Variants in PIEZO2 observed in about 807,000 individuals in gnomAD.
PIEZO2 encodes piezo type mechanosensitive ion channel component 2.
Under a neutral mutation model 337.3 loss-of-function variants are expected in PIEZO2, and 172 were observed. The ratio of observed to expected loss-of-function variants is 0.51; its 90% confidence interval spans 0.45 to 0.58. The LOEUF is 0.58. Ranked by LOEUF, PIEZO2 falls within the 20% of genes least tolerant of loss-of-function variation. PIEZO2 has a pLI of 0.00. For missense variants in PIEZO2, 3,028 were observed against 3,391.3 expected (o/e 0.89, Z 2.66); for synonymous variants, 1,251 against 1,228.5 (o/e 1.02, Z -0.38).
Position 10,862,299 on chromosome 18 carries a change from A to G in PIEZO2, c.493-5088T>C, listed in dbSNP as rs2041895334. ...ATTTCAACATTTGATAACATGTATT[A>G]GTGTAAGATCTCTCATTTCACATAA... is the stretch of plus-strand genomic sequence containing the variant. On this transcript the variant is annotated intron_variant, in intron 5 of 55. Coordinates refer to ENST00000674853, the MANE Select transcript of PIEZO2 (RefSeq NM_001378183.1). The surrounding 1 kb of genome is among the most constrained non-coding windows in gnomAD (Gnocchi z 4.4). Among the ~76,000 whole-genome samples, 1 of 152,200 alleles carries G rather than the reference A, an allele frequency of 6.6e-6. No homozygotes were observed. Among genetic ancestry groups the G allele is most frequent in the Non-Finnish European group, 1.5e-5 (1 of 68,036 alleles).
In PIEZO2 at chr18:10,830,046, T is replaced by C. The variant is rs191319129; in HGVS notation, c.918-22772A>G. 5.2e-3 allele frequency among the ~76,000 whole-genome samples: 785 copies of C among 152,118 alleles called. 12 individuals are homozygous for C. Among genetic ancestry groups the C allele is most frequent in the Admixed American group, 0.023 (346 of 15,276 alleles). ...AATCACATTACCTCACTTCGAATTA[T>C]ACTACAGAGCTCTAGTAACCAAAAC... On this transcript the variant is annotated intron_variant, in intron 7 of 55. Coordinates refer to ENST00000674853, the MANE Select transcript of PIEZO2 (RefSeq NM_001378183.1). This position sits in a 1 kb window ranked among gnomAD's most constrained non-coding sequence, Gnocchi z 4.7.
At chr18:10,694,870 A>T (rs1940945932) in intron 47 of PIEZO2, among the ~76,000 whole-genome samples, 1 of 152,108 alleles carries the variant, frequency 6.6e-6, no homozygotes, top group Non-Finnish European at 1.5e-5. Context: ...TTTTTTAAAA[A>T]ACTAGCATGT....
chr18:10,882,834 C>CTTTTTTTTTTTTT (rs745618117), intron 4 of PIEZO2, among the ~76,000 whole-genome samples: 1 of 109,982 alleles, frequency 9.1e-6, no homozygotes, highest in Admixed American at 1.2e-4. Context: ...ACCACATTTT[C>CTTTTTTTTTTTTT]TTTTTTTCTT....
chr18:11,004,419 T>G (rs1199938321), intron 2 of PIEZO2, among the ~76,000 whole-genome samples: 1 of 152,172 alleles, frequency 6.6e-6, no homozygotes, highest in Non-Finnish European at 1.5e-5. Context: ...TTCAAAGGAC[T>G]ACATATCAAC....
In PIEZO2 at chr18:11,087,339, G is replaced by C. The variant is rs76660006; in HGVS notation, c.65-21117C>G. Among the ~76,000 whole-genome samples the C allele has an allele frequency of 6.2e-3, 948 of 152,280 alleles. 43 individuals carry two copies. In the East Asian group the frequency reaches 0.12, roughly 19 times the overall value. On this transcript the variant is annotated intron_variant, in intron 1 of 55. Coordinates refer to ENST00000674853, the MANE Select transcript of PIEZO2 (RefSeq NM_001378183.1). Reference sequence around the variant, plus strand: ...TCATTTTCATCCCTGCACACTGTCAGATCTTGGATTATGCTAGCCCAGGGC... The same window carrying C: ...TCATTTTCATCCCTGCACACTGTCACATCTTGGATTATGCTAGCCCAGGGC...
chr18:10,933,199 A>G (rs1372331340), intron 3 of PIEZO2, among the ~76,000 whole-genome samples: 1 of 151,966 alleles, frequency 6.6e-6, no homozygotes, highest in Non-Finnish European at 1.5e-5. Flanking sequence ...ATATTTACCA[A>G]TTTAATCGGT....
At chr18:10,921,569 A>G (rs1462350372) in intron 3 of PIEZO2, among the ~76,000 whole-genome samples, 1 of 152,108 alleles carries the variant, frequency 6.6e-6, no homozygotes, top group Non-Finnish European at 1.5e-5. Flanking sequence ...CCCTGTGATA[A>G]TTGCACTAAC....
intron 11 of PIEZO2, among the ~76,000 whole-genome samples, chr18:10,798,044 C>T (rs907458635): frequency 9.9e-5 from 15 of 152,252 alleles, no homozygotes; most frequent in Non-Finnish European, 1.5e-5. Context: ...GAACTGATGG[C>T]TCTGCCAGCC....
chr18:11,090,793 T>G (rs552562031), intron 1 of PIEZO2, among the ~76,000 whole-genome samples: 1 of 150,938 alleles, frequency 6.6e-6, no homozygotes, highest in Non-Finnish European at 1.5e-5. Context: ...GCGCCTGTAG[T>G]CCTCAGCTAC....
rs947711606 is a variant in PIEZO2, at chr18:10,980,867, T to G, written c.161-1207A>C. On this transcript the variant is annotated intron_variant, in intron 2 of 55. Coordinates refer to ENST00000674853, the MANE Select transcript of PIEZO2 (RefSeq NM_001378183.1). This position sits in a 1 kb window ranked among gnomAD's most constrained non-coding sequence, Gnocchi z 4.8. Reference sequence around the variant, plus strand: ...CACTGCTGTGAGTTTACAGATGTCATGAAAGTCCATAATCAAAGTGGTTAA... The same window carrying G: ...CACTGCTGTGAGTTTACAGATGTCAGGAAAGTCCATAATCAAAGTGGTTAA... 1.3e-5 allele frequency among the ~76,000 whole-genome samples: 2 copies of G among 152,186 alleles called. No homozygotes were observed. Among genetic ancestry groups the G allele is most frequent in the African/African-American group, 4.8e-5 (2 of 41,444 alleles).
intron 4 of PIEZO2, chr18:10,908,788 T>G (rs1334391600): frequency 6.6e-6 from 1 of 152,198 alleles, no homozygotes; most frequent in Admixed American, 6.5e-5. Context: ...GGCTCAAAAA[T>G]AAACATACCC....
chr18:11,089,008 A>G (rs560478137), intron 1 of PIEZO2, among the ~76,000 whole-genome samples: 74 of 152,352 alleles, frequency 4.9e-4, no homozygotes, highest in Non-Finnish European at 8.5e-4. Flanking sequence ...TTTCTAGTGT[A>G]CTGTTTATCT....
At position 10,705,238 on chromosome 18, in the gene PIEZO2, T is replaced by C. The variant is rs972500615; in HGVS notation, c.5999+98A>G. 7 of 1,393,618 alleles carry C rather than the reference T, an allele frequency of 5.0e-6. No individual in the cohort carries two copies. In the African/African-American group the frequency reaches 1.0e-4, roughly 20 times the overall value. The allele number at this position is 1,393,618 out of a possible 1,614,324, so 86.3% of individuals were successfully genotyped here. ...GTTTGCTCTAAGTGTCCAGATGAACTTTTTTCTATATATGAATTTTTCTGT... is the reference window on the plus strand; with the variant it reads ...GTTTGCTCTAAGTGTCCAGATGAACCTTTTTCTATATATGAATTTTTCTGT... On this transcript the variant is annotated intron_variant, in intron 41 of 55. Transcript: ENST00000674853.
At chr18:10,791,363 C>G (rs1380795692) in intron 13 of PIEZO2, 39 bp from the exon 14 acceptor site, 1 of 1,455,026 alleles carries the variant, frequency 6.9e-7, no homozygotes, top group East Asian at 2.6e-5. Context: ...ATTAAGCAAC[C>G]ATTTGGAATG....
intron 1 of PIEZO2, among the ~76,000 whole-genome samples, chr18:11,076,460 A>C (rs1014238702): frequency 6.6e-6 from 1 of 152,204 alleles, no homozygotes; most frequent in African/African-American, 2.4e-5. Context: ...AAAGGAAAAA[A>C]GGCTTTGGTC....
chr18:10,835,324 A>G (rs991513633), intron 7 of PIEZO2, among the ~76,000 whole-genome samples: 19 of 151,792 alleles, frequency 1.3e-4, no homozygotes, highest in Non-Finnish European at 2.6e-4. Flanking sequence ...GATGAGAAAG[A>G]GACATTCCAT....
Position 11,144,816 on chromosome 18 carries a change from A to G in PIEZO2, c.64+3709T>C, listed in dbSNP as rs564218646. On this transcript the variant is annotated intron_variant, in intron 1 of 55. Coordinates refer to ENST00000674853, the MANE Select transcript of PIEZO2 (RefSeq NM_001378183.1). Reference sequence around the variant, plus strand: ...TGATCTCTAATCCCCTGTTCCCCCAAGCAAGGCTTCCCCTTTCTTCCCCCT... The same window carrying G: ...TGATCTCTAATCCCCTGTTCCCCCAGGCAAGGCTTCCCCTTTCTTCCCCCT... Among the ~76,000 whole-genome samples the G allele has an allele frequency of 4.3e-4, 66 of 152,300 alleles. 2 individuals carry two copies. Among genetic ancestry groups the G allele is most frequent in the Admixed American group, 3.9e-3 (59 of 15,300 alleles).
rs1453774623 is a variant in PIEZO2, at chr18:11,099,840, A to T, written c.65-33618T>A. ...GTATATCTTCTTTTGTAAGTTGCTG[A>T]TGAATACTATTTTCTAGTTTTCCTA... On this transcript the variant is annotated intron_variant, in intron 1 of 55. Coordinates refer to ENST00000674853, the MANE Select transcript of PIEZO2 (RefSeq NM_001378183.1). This position sits in a 1 kb window ranked among gnomAD's most constrained non-coding sequence, Gnocchi z 5.4. Among the ~76,000 whole-genome samples, 2 of 152,140 alleles carry T rather than the reference A, an allele frequency of 1.3e-5. No homozygotes were observed. Among genetic ancestry groups the T allele is most frequent in the Non-Finnish European group, 2.9e-5 (2 of 68,016 alleles).
intron 2 of PIEZO2, among the ~76,000 whole-genome samples, chr18:10,989,454 T>C (rs1347275795): frequency 1.8e-4 from 27 of 151,728 alleles, no homozygotes; most frequent in Non-Finnish European, 1.5e-5. Context: ...GTGACGAGTG[T>C]GTTCTAAAGC....
Sources: gnomAD v4.1 joint callset for allele counts (sites outside exome capture counted in the v4.1 genomes callset) on GRCh38, gnomAD v4.1.1 for gene constraint, Gnocchi (gnomAD v3.1) non-coding constraint, MANE v1.5 for transcripts, NCBI Gene and HGNC (gene_info 2026-07-23, HGNC 2026-07-21) for gene names.